The following DERA variants were observed in gnomAD, a reference collection of about 807,000 sequenced individuals.
DERA encodes the protein deoxyribose-phosphate aldolase, also known as 2-deoxy-D-ribose 5-phosphate aldolase.
DERA carries 15 observed loss-of-function variants against 41.1 expected under a neutral mutation model. The observed-to-expected ratio is 0.37, with a 90% confidence interval of 0.24 to 0.56. The LOEUF is 0.56. Among genes scored for constraint, DERA ranks in the 20% least tolerant of loss-of-function variants. The pLI is 0.81. For missense variants in DERA, 396 were observed against 403.4 expected, an observed-to-expected ratio of 0.98 and a Z score of 0.16; for synonymous variants, 139 against 137.4, an observed-to-expected ratio of 1.01 and a Z score of -0.08.
At chr12:15,958,409 G>A (rs1948557531) in intron 3 of DERA, 74 bp downstream of exon 3, 1 of 1,208,018 alleles carries the variant, frequency 8.3e-7, no homozygotes. Flanking sequence ...GACGACTTAA[G>A]ATACAGCTGC....
intron 1 of DERA, among the ~76,000 whole-genome samples, chr12:15,939,640 A>G (rs1948395395): frequency 6.6e-6 from 1 of 151,944 alleles, no homozygotes; most frequent in African/African-American, 2.4e-5. Flanking sequence ...TAAATAAAAG[A>G]TTTTCAACTG....
intron 1 of DERA, among the ~76,000 whole-genome samples, chr12:15,946,376 T>C (rs573569170): frequency 7.9e-5 from 12 of 152,332 alleles, no homozygotes; most frequent in African/African-American, 2.9e-4. Context: ...TTTTGGTTGG[T>C]AAGGTATTGA....
At chr12:15,950,564 G>C (rs1419098482) in intron 1 of DERA, among the ~76,000 whole-genome samples, 1 of 152,160 alleles carries the variant, frequency 6.6e-6, no homozygotes, top group Non-Finnish European at 1.5e-5. Flanking sequence ...GTAAGTTTCA[G>C]CCTCATTTTA....
rs146078346 is a variant in DERA at position 15,979,017 on chromosome 12, A to G, written c.509-3291A>G. Among the ~76,000 whole-genome samples, 400 of 152,362 alleles carry G rather than the reference A, an allele frequency of 2.6e-3. 4 individuals carry two copies. Among genetic ancestry groups the G allele is most frequent in the African/African-American group, 9.2e-3 (382 of 41,584 alleles). On this transcript the variant is annotated intron_variant, in intron 5 of 8. Coordinates refer to ENST00000428559, the MANE Select transcript of DERA (RefSeq NM_015954.4). The stretch of plus-strand genomic sequence containing the variant: ...TTAAGTAACTTACCCAAATCAAACA[A>G]TAAACTAGTAGTAAAGTTGGGGTGT...
chr12:16,034,964 C>CAT (rs1555160713), intron 7 of DERA, among the ~76,000 whole-genome samples: 8,458 of 152,266 alleles, frequency 0.056, 647 homozygotes, highest in East Asian at 0.4. Context: ...TACTACCTTA[C>CAT]AGCTTGGGCT....
rs1948937338 is a variant in DERA at position 16,010,059 on chromosome 12, A to T, written c.638-22483A>T. 6.6e-6 allele frequency among the ~76,000 whole-genome samples: 1 copy of T among 152,190 alleles called. No homozygotes were observed. Among genetic ancestry groups the T allele is most frequent in the Non-Finnish European group, 1.5e-5 (1 of 68,036 alleles). On this transcript the variant is annotated intron_variant, in intron 6 of 8. Coordinates refer to ENST00000428559, the MANE Select transcript of DERA (RefSeq NM_015954.4). The surrounding 1 kb of genome is among the most constrained non-coding windows in gnomAD (Gnocchi z 5.5). ...TATAACCTATTCATCTGAAATATACATGATTACTGTATGGTTGTGTGTTAT... is the reference window on the plus strand; with the variant it reads ...TATAACCTATTCATCTGAAATATACTTGATTACTGTATGGTTGTGTGTTAT...
In DERA at chr12:15,946,777, G is replaced by A. The variant is rs187226819; in HGVS notation, c.32-10159G>A. Among the ~76,000 whole-genome samples the A allele has an allele frequency of 3.5e-4, 54 of 152,218 alleles. No homozygotes were observed. In the East Asian group the frequency reaches 6.2e-3, roughly 17 times the overall value. On this transcript the variant is annotated intron_variant, in intron 1 of 8. Transcript: ENST00000428559. ...TTTTGCCTTCTGCTAGCTGTTAAAT[G>A]TGTTCGCTCTTGCTTCTCTAGTTCT...
chr12:15,970,153 C>G lies in DERA; in HGVS notation c.508+7206C>G, dbSNP rs1948650177. Reference sequence around the variant, plus strand: ...GTGACTTTTTTAGTTTAAAAGGTTGCTGTACAATTTTATATTAAGTGTTTT... The same window carrying G: ...GTGACTTTTTTAGTTTAAAAGGTTGGTGTACAATTTTATATTAAGTGTTTT... On this transcript the variant is annotated intron_variant, in intron 5 of 8. Coordinates refer to ENST00000428559, the MANE Select transcript of DERA (RefSeq NM_015954.4). This position sits in a 1 kb window ranked among gnomAD's most constrained non-coding sequence, Gnocchi z 4.3. Among the ~76,000 whole-genome samples, 1 of 152,062 alleles carries G rather than the reference C, an allele frequency of 6.6e-6. No homozygotes were observed. The highest frequency in any genetic ancestry group is 6.6e-5 in the Admixed American group (1 of 15,266).
intron 1 of DERA, among the ~76,000 whole-genome samples, chr12:15,947,591 C>G (rs1027674834): frequency 6.6e-6 from 1 of 152,126 alleles, no homozygotes; most frequent in African/African-American, 2.4e-5. Context: ...TTATTTTCAT[C>G]CTATGTGTGT....
rs1948667084 is a variant in DERA, at chr12:15,972,345, C to G, written c.508+9398C>G. ...GGAGGAAGCCAATGGCCTCGCGGCC[C>G]TTCTTGTTGCTCCCAGAACTGTGGG... On this transcript the variant is annotated intron_variant, in intron 5 of 8. Transcript: ENST00000428559. This position sits in a 1 kb window ranked among gnomAD's most constrained non-coding sequence, Gnocchi z 4.4. 1 of 156,032 alleles carries G rather than the reference C, an allele frequency of 6.4e-6. No individual in the cohort carries two copies. Among genetic ancestry groups the G allele is most frequent in the African/African-American group, 2.4e-5 (1 of 41,514 alleles). The allele number at this position is 156,032 out of a possible 1,614,324, so 9.7% of individuals were successfully genotyped here. A position where few individuals can be genotyped will look rare whatever the true frequency, so the allele number is the denominator to read the frequency against.
rs562310414 is a variant in DERA, at chr12:15,990,083, A to G, written c.637+7647A>G. 4.1e-4 allele frequency among the ~76,000 whole-genome samples: 63 copies of G among 152,346 alleles called. No individual in the cohort carries two copies. The highest frequency in any genetic ancestry group is 1.3e-3 in the Admixed American group (20 of 15,304). ...AGTACTTTGCAAGTTATTGAAAAAT[A>G]TTAGTATACCTTCCTTCTCCATCCT... is the stretch of plus-strand genomic sequence containing the variant. On this transcript the variant is annotated intron_variant, in intron 6 of 8. Transcript: ENST00000428559. This position sits in a 1 kb window ranked among gnomAD's most constrained non-coding sequence, Gnocchi z 4.3.
chr12:16,016,871 T>G (rs1297372629), intron 6 of DERA, among the ~76,000 whole-genome samples: 2 of 151,860 alleles, frequency 1.3e-5, no homozygotes, highest in African/African-American at 4.8e-5. Context: ...TGTACTTTGA[T>G]TAGTAACTTA....
intron 1 of DERA, among the ~76,000 whole-genome samples, chr12:15,937,337 C>G (rs999353691): frequency 1.3e-5 from 2 of 152,154 alleles, no homozygotes; most frequent in African/African-American, 4.8e-5. Flanking sequence ...ACTTCAGAAG[C>G]GATGCTGTGT....
rs576342465 is a variant in DERA at position 15,999,072 on chromosome 12, G to A, written c.637+16636G>A. Among the ~76,000 whole-genome samples, 1 of 152,268 alleles carries A rather than the reference G, an allele frequency of 6.6e-6. No individual in the cohort carries two copies. Among genetic ancestry groups the A allele is most frequent in the Admixed American group, 6.5e-5 (1 of 15,294 alleles). ...AGTTCCCCAATTCCAAACTGTGTCG[G>A]GGAATGGGAGGAAATGAGGGATGGA... On this transcript the variant is annotated intron_variant, in intron 6 of 8. Coordinates refer to ENST00000428559, the MANE Select transcript of DERA (RefSeq NM_015954.4). This position sits in a 1 kb window ranked among gnomAD's most constrained non-coding sequence, Gnocchi z 5.3.
intron 1 of DERA, among the ~76,000 whole-genome samples, chr12:15,932,778 C>T (rs1948338459): frequency 6.6e-6 from 1 of 152,106 alleles, no homozygotes; most frequent in African/African-American, 2.4e-5. Flanking sequence ...ACATATTGTA[C>T]AGTAGATCTC....
In DERA at chr12:15,966,038, C is replaced by T. The variant is rs1459196016; in HGVS notation, c.508+3091C>T. 2.0e-5 allele frequency among the ~76,000 whole-genome samples: 3 copies of T among 152,166 alleles called. No homozygotes were observed. Among genetic ancestry groups the T allele is most frequent in the African/African-American group, 4.8e-5 (2 of 41,432 alleles). On this transcript the variant is annotated intron_variant, in intron 5 of 8. Coordinates refer to ENST00000428559, the MANE Select transcript of DERA (RefSeq NM_015954.4). This position sits in a 1 kb window ranked among gnomAD's most constrained non-coding sequence, Gnocchi z 5.1. ...GAACCTACATGCTGGCTTTCCTTTT[C>T]CTTCATCCCCAGCAACGTCCTCCTT...
In DERA at chr12:16,037,323, T is replaced by G. The variant is rs934585610; in HGVS notation, c.*577T>G. ...TTATTTTTTTAAAAAACTTAAAAAT[T>G]GTTACAATACATAATGAAAAAATAA... On this transcript the variant is annotated 3_prime_UTR_variant, in exon 9 of 9. Transcript: ENST00000428559. The surrounding 1 kb of genome is among the most constrained non-coding windows in gnomAD (Gnocchi z 6.7). The G allele has an allele frequency of 6.6e-6, 1 of 152,204 alleles. No individual in the cohort carries two copies. Among genetic ancestry groups the G allele is most frequent in the Non-Finnish European group, 1.5e-5 (1 of 68,098 alleles). The allele number at this position is 152,204 out of a possible 1,614,324, so 9.4% of individuals were successfully genotyped here. A position where few individuals can be genotyped will look rare whatever the true frequency, so the allele number is the denominator to read the frequency against.
At position 15,931,087 on chromosome 12, in the gene DERA, A is replaced by C. The variant is rs1172313460; in HGVS notation, c.31+19673A>C. ...TTGTTTTAAGTGTTTTCTATTATGG[A>C]GATATAAATAATATTTAGGATATTT... On this transcript the variant is annotated intron_variant, in intron 1 of 8. Transcript: ENST00000428559. This position sits in a 1 kb window ranked among gnomAD's most constrained non-coding sequence, Gnocchi z 4.6. Among the ~76,000 whole-genome samples, 1 of 152,180 alleles carries C rather than the reference A, an allele frequency of 6.6e-6. No individual in the cohort carries two copies. The highest frequency in any genetic ancestry group is 1.5e-5 in the Non-Finnish European group (1 of 68,028).
At chr12:15,933,669 C>T (rs969324914) in intron 1 of DERA, among the ~76,000 whole-genome samples, 1 of 152,130 alleles carries the variant, frequency 6.6e-6, no homozygotes, top group Non-Finnish European at 1.5e-5. Flanking sequence ...ACCGTTGTTA[C>T]TGTTTTGGAA....
Sources: allele counts gnomAD v4.1 joint callset (sites outside exome capture counted in the v4.1 genomes callset), GRCh38; gene constraint gnomAD v4.1.1; non-coding constraint Gnocchi (gnomAD v3.1); transcripts MANE v1.5; gene names NCBI Gene and HGNC (gene_info 2026-07-23, HGNC 2026-07-21).